PARD3: variants seen among roughly 807,000 people sequenced by gnomAD.
PARD3 encodes the protein par-3 family cell polarity regulator, also known as partitioning defective 3 homolog.
In PARD3, 75 loss-of-function variants were observed where a neutral mutation model predicts 155.4. The observed-to-expected ratio is 0.48, with a 90% CI of 0.40 to 0.58. PARD3 has a LOEUF of 0.58. Among genes scored for constraint, PARD3 ranks in the 20% least tolerant of loss-of-function variants. The pLI is 0.00. For synonymous variants in PARD3, 576 were observed against 610.5 expected, an observed-to-expected ratio of 0.94 and a Z score of 0.83; for missense variants, 1,642 against 1,721.7, an observed-to-expected ratio of 0.95 and a Z score of 0.82.
chr10:34,243,975 C>T (rs1953778454), intron 22 of PARD3, among the ~76,000 whole-genome samples: 1 of 152,122 alleles, frequency 6.6e-6, no homozygotes, highest in Admixed American at 6.6e-5. Flanking sequence ...TATTTGTATA[C>T]AGTTATCTAG....
At chr10:34,311,857 G>A (rs981608937) in intron 20 of PARD3, among the ~76,000 whole-genome samples, 1 of 152,084 alleles carries the variant, frequency 6.6e-6, no homozygotes, top group African/African-American at 2.4e-5. Flanking sequence ...TCTATCCGTT[G>A]CATCTCATCC....
chr10:34,771,790 T>C (rs1211538205), intron 1 of PARD3, among the ~76,000 whole-genome samples: 3 of 152,140 alleles, frequency 2.0e-5, no homozygotes, highest in African/African-American at 7.2e-5. Context: ...TGCTTTCAGG[T>C]AGAAACAAAG....
At position 34,337,574 on chromosome 10, in the gene PARD3, T is replaced by C. The variant is rs1163207407; in HGVS notation, c.2409-148A>G. On this transcript the variant is annotated intron_variant, in intron 16 of 24. Coordinates refer to ENST00000374788, the MANE Select transcript of PARD3 (RefSeq NM_001184785.2). Reference sequence around the variant, plus strand: ...ACTAAATAATACAAATACAGTCCATTAAAAAAAAAACTGTGGCTGTATAGA... The same window carrying C: ...ACTAAATAATACAAATACAGTCCATCAAAAAAAAAACTGTGGCTGTATAGA... 1.1e-5 allele frequency: 4 copies of C among 355,004 alleles called. No homozygotes were observed. The Admixed American group carries it at 1.9e-4, about 17-fold the overall frequency. The allele number at this position is 355,004 out of a possible 1,614,324, so 22.0% of individuals were successfully genotyped here.
intron 1 of PARD3, among the ~76,000 whole-genome samples, chr10:34,780,880 A>G (rs1288279281): frequency 6.6e-6 from 1 of 152,254 alleles, no homozygotes; most frequent in African/African-American, 2.4e-5. Context: ...TCACCACGCC[A>G]CACATAAAAA....
chr10:34,291,771 G>T (rs991807809), intron 20 of PARD3, among the ~76,000 whole-genome samples: 3 of 152,232 alleles, frequency 2.0e-5, no homozygotes, highest in African/African-American at 7.2e-5. Flanking sequence ...ATAGAACTGG[G>T]TGCACTGGCT....
At chr10:34,449,917 A>G (rs933012624) in intron 5 of PARD3, among the ~76,000 whole-genome samples, 5 of 152,228 alleles carry the variant, frequency 3.3e-5, no homozygotes, top group African/African-American at 1.2e-4. Flanking sequence ...TCTCTCATAC[A>G]GTGAAGTTAG....
chr10:34,669,658 G>A (rs945712245), intron 2 of PARD3, among the ~76,000 whole-genome samples: 2 of 151,930 alleles, frequency 1.3e-5, no homozygotes, highest in East Asian at 3.9e-4. Flanking sequence ...CACCGTAAGA[G>A]AGAAGCAGGT....
chr10:34,199,150 G>A (rs187039602), intron 22 of PARD3, among the ~76,000 whole-genome samples: 4 of 152,226 alleles, frequency 2.6e-5, no homozygotes, highest in African/African-American at 4.8e-5. Flanking sequence ...CAATCAGATC[G>A]TGCCTCCCAG....
intron 22 of PARD3, among the ~76,000 whole-genome samples, chr10:34,140,264 AC>A (rs1948115093): frequency 6.6e-6 from 1 of 152,108 alleles, no homozygotes; most frequent in African/African-American, 2.4e-5. Flanking sequence ...TGGAGAAAAA[AC>A]CTTTAAATGG....
chr10:34,784,741 T>C (rs1489740402), intron 1 of PARD3, among the ~76,000 whole-genome samples: 1 of 152,152 alleles, frequency 6.6e-6, no homozygotes, highest in Admixed American at 6.5e-5. Flanking sequence ...CCGGCCCCAA[T>C]ATACTTTTTT....
intron 2 of PARD3, among the ~76,000 whole-genome samples, chr10:34,657,922 G>A (rs1466805907): frequency 4.6e-5 from 7 of 151,968 alleles, no homozygotes; most frequent in South Asian, 2.1e-4. Context: ...CGAGGTGGGC[G>A]GATCACGAGG....
At chr10:34,312,146 A>C in intron 20 of PARD3, 2 of 861,950 alleles carry the variant, frequency 2.3e-6, no homozygotes, top group Non-Finnish European at 3.5e-6. Flanking sequence ...TTCAAGCGTA[A>C]TTTAAACCCC....
chr10:34,512,262 T>C lies in PARD3; in HGVS notation c.403+4717A>G, dbSNP rs532165617. Among the ~76,000 whole-genome samples the C allele has an allele frequency of 4.5e-4, 68 of 152,378 alleles. No individual in the cohort carries two copies. In the South Asian group the frequency reaches 0.014, roughly 31 times the overall value. ...AAACGCAGAATAGATGACTTATTCCTGCTTTCCTTTATAAGGTTTCCAAAT... is the reference window on the plus strand; with the variant it reads ...AAACGCAGAATAGATGACTTATTCCCGCTTTCCTTTATAAGGTTTCCAAAT... On this transcript the variant is annotated intron_variant, in intron 3 of 24. Transcript: ENST00000374788.
chr10:34,241,448 A>C (rs1171811760), intron 22 of PARD3, among the ~76,000 whole-genome samples: 2 of 152,234 alleles, frequency 1.3e-5, no homozygotes, highest in African/African-American at 4.8e-5. Flanking sequence ...CAGCAGCGGG[A>C]GGGCACAGGG....
intron 2 of PARD3, among the ~76,000 whole-genome samples, chr10:34,523,471 G>A (rs1326382124): frequency 6.6e-6 from 1 of 152,180 alleles, no homozygotes; most frequent in Non-Finnish European, 1.5e-5. Context: ...CCTGGATAAA[G>A]TACAAAACAT....
At chr10:34,650,655 T>A (rs1204105946) in intron 2 of PARD3, among the ~76,000 whole-genome samples, 1 of 152,156 alleles carries the variant, frequency 6.6e-6, no homozygotes, top group African/African-American at 2.4e-5. Flanking sequence ...AGGTACACAT[T>A]GCCAGCACTT....
At chr10:34,484,121 A>G (rs2079279658) in intron 3 of PARD3, among the ~76,000 whole-genome samples, 1 of 152,216 alleles carries the variant, frequency 6.6e-6, no homozygotes, top group Admixed American at 6.5e-5. Context: ...ATAGCCCATG[A>G]AAAGGACACT....
In PARD3 at chr10:34,352,399, G is replaced by T. The variant is rs140200662; in HGVS notation, c.2068-4284C>A. Among the ~76,000 whole-genome samples the T allele has an allele frequency of 2.0e-5, 3 of 152,068 alleles. No homozygotes were observed. The East Asian group carries it at 5.8e-4, about 29-fold the overall frequency. On this transcript the variant is annotated intron_variant, in intron 14 of 24. Transcript: ENST00000374788. ...CATGGTCTCCCTCTGATGCCGAGCC[G>T]AGGCTGGACTGTACTGCTGCCATCT... is the stretch of plus-strand genomic sequence containing the variant.
At chr10:34,796,453 T>A (rs878896482) in intron 1 of PARD3, among the ~76,000 whole-genome samples, 1 of 152,150 alleles carries the variant, frequency 6.6e-6, no homozygotes, top group South Asian at 2.1e-4. Flanking sequence ...AAACTAGGGT[T>A]CAAAAAACAT....
Sources: gnomAD v4.1 joint callset for allele counts (sites outside exome capture counted in the v4.1 genomes callset) on GRCh38, gnomAD v4.1.1 for gene constraint, MANE v1.5 for transcripts, NCBI Gene and HGNC (gene_info 2026-07-23, HGNC 2026-07-21) for gene names.